Variants in ZNF438 observed in about 807,000 individuals in gnomAD.
ZNF438 encodes zinc finger protein 438.
ZNF438 carries 25 observed loss-of-function variants against 38.0 expected under a neutral mutation model. The observed-to-expected ratio is 0.66, with a 90% CI of 0.48 to 0.92. The LOEUF is 0.92. Ranked by LOEUF, ZNF438 falls within the 40% of genes least tolerant of loss-of-function variation. The pLI is 0.00. For synonymous variants in ZNF438, 372 were observed against 364.1 expected (o/e 1.02, Z -0.25); for missense variants, 1,007 against 999.6 (o/e 1.01, Z -0.10).
chr10:30,945,803 T>C lies in ZNF438; in HGVS notation c.-191-4152A>G, dbSNP rs528425865. ...ACATTTTCTTAATCCAGTCTATCAT[T>C]GTTGGACATTTGGGTTGGTTCCAAG... On this transcript the variant is annotated intron_variant, in intron 1 of 5. Coordinates refer to ENST00000413025, the Ensembl canonical transcript of ZNF438. Among the ~76,000 whole-genome samples, 65 of 110,332 alleles carry C rather than the reference T, an allele frequency of 5.9e-4. 1 individual carries two copies. Among genetic ancestry groups the C allele is most frequent in the African/African-American group, 2.1e-3 (59 of 27,908 alleles). 72.4% of individuals were successfully genotyped at this position (110,332 alleles called of 152,430 possible).
At chr10:30,892,155 T>G (rs1204509968) in intron 3 of ZNF438, among the ~76,000 whole-genome samples, 1 of 120,932 alleles carries the variant, frequency 8.3e-6, no homozygotes, top group African/African-American at 2.7e-5. Context: ...AATGATCACA[T>G]TTCCACCATT....
intron 1 of ZNF438, among the ~76,000 whole-genome samples, chr10:31,006,868 GT>G (rs2055190540): frequency 6.6e-6 from 1 of 151,848 alleles, no homozygotes; most frequent in South Asian, 2.1e-4. Context: ...TTTTGAGTGT[GT>G]TTTTTCCACT....
At position 30,960,746 on chromosome 10, in the gene ZNF438, C is replaced by A. The variant is rs954587966; in HGVS notation, c.-191-19095G>T. On this transcript the variant is annotated intron_variant, in intron 1 of 5. Transcript: ENST00000413025. ...TTATTTTAAATTTTATTTGATCCCA[C>A]TGTACTAAGTGTACTTAGTAATACC... Among the ~76,000 whole-genome samples the A allele has an allele frequency of 3.4e-5, 5 of 146,796 alleles. 1 individual carries two copies. Among genetic ancestry groups the A allele is most frequent in the Non-Finnish European group, 7.7e-5 (5 of 64,742 alleles).
At chr10:30,942,908 G>T (rs984755294) in intron 1 of ZNF438, among the ~76,000 whole-genome samples, 1 of 152,200 alleles carries the variant, frequency 6.6e-6, no homozygotes, top group South Asian at 2.1e-4. Context: ...AGAGCGCCCT[G>T]TCCTGCCTTT....
intron 1 of ZNF438, among the ~76,000 whole-genome samples, chr10:31,009,662 T>C (rs113897962): frequency 1.3e-5 from 2 of 152,150 alleles, no homozygotes; most frequent in Non-Finnish European, 2.9e-5. Flanking sequence ...CAAACAGTCC[T>C]GACAAAGAAA....
intron 1 of ZNF438, among the ~76,000 whole-genome samples, chr10:31,023,364 A>T (rs538680435): frequency 6.6e-6 from 1 of 152,346 alleles, no homozygotes; most frequent in South Asian, 2.1e-4. Context: ...CATAGACAGC[A>T]CAGCCTTCAC....
chr10:31,006,054 CCCTAT>C (rs569418405), intron 1 of ZNF438, among the ~76,000 whole-genome samples: 90 of 152,294 alleles, frequency 5.9e-4, no homozygotes, highest in African/African-American at 2.0e-3. Flanking sequence ...TCTCTGTCTA[CCCTAT>C]ATTACATGGT....
intron 2 of ZNF438, among the ~76,000 whole-genome samples, chr10:30,924,364 G>GT (rs1193538205): frequency 1.3e-5 from 2 of 152,330 alleles, no homozygotes; most frequent in Middle Eastern, 3.4e-3. Flanking sequence ...GGGAAGAAAT[G>GT]TAACGATGTG....
chr10:30,980,300 C>T (rs1416299295), intron 1 of ZNF438, among the ~76,000 whole-genome samples: 2 of 147,300 alleles, frequency 1.4e-5, no homozygotes, highest in Non-Finnish European at 3.0e-5. Context: ...GGAGGACTGA[C>T]TGGAGAGATA....
chr10:30,923,920 TAA>T (rs919034043), intron 2 of ZNF438, among the ~76,000 whole-genome samples: 3 of 152,216 alleles, frequency 2.0e-5, no homozygotes, highest in African/African-American at 4.8e-5. Context: ...CTATGTGTAA[TAA>T]GAGAGAATTA....
At chr10:30,985,964 T>C (rs987106346) in intron 1 of ZNF438, among the ~76,000 whole-genome samples, 3 of 152,224 alleles carry the variant, frequency 2.0e-5, no homozygotes, top group Non-Finnish European at 4.4e-5. Context: ...TATCAAGCTA[T>C]ATTTTCACTG....
intron 4 of ZNF438, among the ~76,000 whole-genome samples, chr10:30,859,006 G>T (rs1301121415): frequency 6.6e-6 from 1 of 152,128 alleles, no homozygotes. Flanking sequence ...AGATTTTATG[G>T]GTTAGGTACT....
chr10:30,955,118 T>C (rs955117741), intron 1 of ZNF438, among the ~76,000 whole-genome samples: 1 of 152,216 alleles, frequency 6.6e-6, no homozygotes, highest in African/African-American at 2.4e-5. Flanking sequence ...AGTTGTCTCT[T>C]CAGCTACACC....
In ZNF438 at chr10:30,856,762, G is replaced by A. The variant is rs545756191; in HGVS notation, c.38-6395C>T. 4.6e-5 allele frequency among the ~76,000 whole-genome samples: 7 copies of A among 152,216 alleles called. No individual in the cohort carries two copies. In the South Asian group the frequency reaches 8.3e-4, roughly 18 times the overall value. On this transcript the variant is annotated intron_variant, in intron 4 of 5. Transcript: ENST00000413025. ...TATTAACTGAAGACATAAAAGTGTC[G>A]CTCAGTAAAATTAATTGTGTACAAT... is the stretch of plus-strand genomic sequence containing the variant.
chr10:30,876,175 G>T (rs2038390722), intron 4 of ZNF438, among the ~76,000 whole-genome samples: 1 of 152,150 alleles, frequency 6.6e-6, no homozygotes, highest in African/African-American at 2.4e-5. Context: ...AGATCAAAGG[G>T]TGTTTGCTCT....
intron 3 of ZNF438, among the ~76,000 whole-genome samples, chr10:30,900,849 T>G (rs1220271292): frequency 1.3e-5 from 2 of 152,200 alleles, no homozygotes; most frequent in South Asian, 4.1e-4. Flanking sequence ...AAATGGAAAC[T>G]TGATTCAAAT....
intron 3 of ZNF438, among the ~76,000 whole-genome samples, chr10:30,882,720 C>G (rs984525697): frequency 6.6e-6 from 1 of 152,020 alleles, no homozygotes; most frequent in Admixed American, 6.6e-5. Context: ...TATAAGCAGA[C>G]CTGAGAAACA....
intron 1 of ZNF438, among the ~76,000 whole-genome samples, chr10:30,950,475 G>T (rs1373353378): frequency 2.0e-5 from 3 of 150,268 alleles, no homozygotes; most frequent in African/African-American, 7.4e-5. Flanking sequence ...TTTTTTGAAA[G>T]GATCAACAAA....
rs376895912 is a variant in ZNF438, at chr10:30,947,281, C to T, written c.-191-5630G>A. On this transcript the variant is annotated intron_variant, in intron 1 of 5. Transcript: ENST00000413025. ...CAGCTGAACCTGCCCTTTTCTCTGG[C>T]CCACAAATTGTGAGGTACAATAAAA... is the stretch of plus-strand genomic sequence containing the variant. 5.3e-5 allele frequency among the ~76,000 whole-genome samples: 8 copies of T among 152,302 alleles called. No homozygotes were observed. In the East Asian group the frequency reaches 1.3e-3, roughly 26 times the overall value.
Sources: allele counts gnomAD v4.1 joint callset (sites outside exome capture counted in the v4.1 genomes callset), GRCh38; gene constraint gnomAD v4.1.1; transcripts MANE v1.5; gene names NCBI Gene and HGNC (gene_info 2026-07-23, HGNC 2026-07-21).